IKZF2: variants seen among roughly 807,000 people sequenced by gnomAD.
IKZF2 encodes the protein IKAROS family zinc finger 2, also known as zinc finger protein Helios.
Under a neutral mutation model 49.2 loss-of-function variants are expected in IKZF2, and 15 were observed. That is an observed-to-expected ratio of 0.30 (90% CI 0.20 to 0.47). The LOEUF (loss-of-function observed/expected upper bound fraction) is 0.47, where lower values mean the gene tolerates loss of function less well. Ranked by LOEUF, IKZF2 falls within the 20% of genes least tolerant of loss-of-function variation. The pLI, the probability that IKZF2 is intolerant of heterozygous loss-of-function variation, is 1.00. For synonymous variants in IKZF2, 227 were observed against 221.4 expected, an observed-to-expected ratio of 1.03 and a Z score of -0.23; for missense variants, 567 against 664.6, an observed-to-expected ratio of 0.85 and a Z score of 1.61.
chr2:213,144,614 C>G (rs2060981228), intron 4 of IKZF2, among the ~76,000 whole-genome samples: 1 of 151,854 alleles, frequency 6.6e-6, no homozygotes, highest in Non-Finnish European at 1.5e-5. Flanking sequence ...GTCCCAGATT[C>G]TATTTTTAAA....
chr2:213,013,406 T>TA (rs5838363), intron 8 of IKZF2, among the ~76,000 whole-genome samples: 116,243 of 149,094 alleles, frequency 0.78, 46,145 homozygotes, highest in Middle Eastern at 0.87. Context: ...GTTAATAGGT[T>TA]AAAAAAAAAA....
chr2:213,041,074 C>T (rs549092522), intron 6 of IKZF2, among the ~76,000 whole-genome samples: 20 of 151,822 alleles, frequency 1.3e-4, no homozygotes, highest in African/African-American at 3.6e-4. Context: ...GCCGAGATCA[C>T]GCCACTGCAC....
At chr2:213,059,357 T>C (rs1295813235) in intron 4 of IKZF2, among the ~76,000 whole-genome samples, 1 of 151,724 alleles carries the variant, frequency 6.6e-6, no homozygotes, top group Non-Finnish European at 1.5e-5. Context: ...CATGTTGAAT[T>C]TTTAAAGTCT....
chr2:213,022,875 G>A (rs538969480), intron 6 of IKZF2, among the ~76,000 whole-genome samples: 1 of 152,098 alleles, frequency 6.6e-6, no homozygotes, highest in East Asian at 1.9e-4. Flanking sequence ...CTAATAGCTA[G>A]GGAGCCATTA....
In IKZF2 at chr2:213,094,508, C is replaced by G. The variant is rs140554761; in HGVS notation, c.140-37409G>C. ...AGGGTACCATCTTTCCTGGAAGAAT[C>G]TGAGACCCCCCTAGCCTGGGAGAGA... On this transcript the variant is annotated intron_variant, in intron 4 of 8. Coordinates refer to ENST00000434687, the MANE Select transcript of IKZF2 (RefSeq NM_001387220.1). 5.3e-3 allele frequency among the ~76,000 whole-genome samples: 810 copies of G among 152,158 alleles called. 7 individuals are homozygous for G. Among genetic ancestry groups the G allele is most frequent in the Middle Eastern group, 0.017 (5 of 294 alleles).
At position 213,003,030 on chromosome 2, in the gene IKZF2, T is replaced by G. The variant is rs1695036427; in HGVS notation, c.*4330A>C. The G allele has an allele frequency of 1.3e-5, 2 of 152,032 alleles. No homozygotes were observed. The highest frequency in any genetic ancestry group is 1.3e-4 in the Admixed American group (2 of 15,182). The allele number at this position is 152,032 out of a possible 1,614,324, so 9.4% of individuals were successfully genotyped here. A position where few individuals can be genotyped will look rare whatever the true frequency, so the allele number is the denominator to read the frequency against. ...CTAGTTTCAAAGTTTCCTTTTCCTT[T>G]TAACAGCTGAGCTGAAAATTTCTCT... On this transcript the variant is annotated 3_prime_UTR_variant, in exon 9 of 9. Coordinates refer to ENST00000434687, the MANE Select transcript of IKZF2 (RefSeq NM_001387220.1).
At position 213,111,963 on chromosome 2, in the gene IKZF2, G is replaced by C. The variant is rs534294057; in HGVS notation, c.139+35745C>G. Reference sequence around the variant, plus strand: ...ATTGTAATTTATTTTTTTAGAAACTGCCTCTTCTTTTTGGACTATTATTAC... The same window carrying C: ...ATTGTAATTTATTTTTTTAGAAACTCCCTCTTCTTTTTGGACTATTATTAC... On this transcript the variant is annotated intron_variant, in intron 4 of 8. Coordinates refer to ENST00000434687, the MANE Select transcript of IKZF2 (RefSeq NM_001387220.1). 2.6e-5 allele frequency among the ~76,000 whole-genome samples: 4 copies of C among 152,170 alleles called. No homozygotes were observed. In the South Asian group the frequency reaches 8.3e-4, roughly 32 times the overall value.
intron 6 of IKZF2, among the ~76,000 whole-genome samples, chr2:213,023,075 C>A (rs1366148207): frequency 6.6e-6 from 1 of 152,136 alleles, no homozygotes; most frequent in Non-Finnish European, 1.5e-5. Flanking sequence ...CATAAAACCC[C>A]AGGTGGTCTG....
At chr2:213,056,346 C>G (rs189724989) in intron 5 of IKZF2, among the ~76,000 whole-genome samples, 53 of 152,212 alleles carry the variant, frequency 3.5e-4, no homozygotes, top group Non-Finnish European at 4.6e-4. Context: ...AAGCACCTGC[C>G]TGCTACTGAG....
intron 8 of IKZF2, among the ~76,000 whole-genome samples, chr2:213,011,987 G>C (rs1490526335): frequency 6.6e-6 from 1 of 152,078 alleles, no homozygotes; most frequent in Non-Finnish European, 1.5e-5. Flanking sequence ...AATAAGAAAA[G>C]AGAGGGAGAG....
intron 4 of IKZF2, among the ~76,000 whole-genome samples, chr2:213,123,310 A>C (rs1222375282): frequency 2.0e-5 from 3 of 152,228 alleles, no homozygotes; most frequent in Admixed American, 6.5e-5. Flanking sequence ...CCTACTTTTA[A>C]GCCTCAAAGC....
intron 6 of IKZF2, among the ~76,000 whole-genome samples, chr2:213,028,260 T>TA (rs1390194037): frequency 6.6e-6 from 1 of 152,148 alleles, no homozygotes; most frequent in African/African-American, 2.4e-5. Context: ...TGTCTATACT[T>TA]AAACCAACAG....
chr2:213,083,070 A>C (rs1704124448), intron 4 of IKZF2, among the ~76,000 whole-genome samples: 1 of 152,304 alleles, frequency 6.6e-6, no homozygotes, highest in African/African-American at 2.4e-5. Flanking sequence ...CTTCAGTTAA[A>C]ATGAGCCATA....
At position 213,128,160 on chromosome 2, in the gene IKZF2, T is replaced by C. The variant is rs2060331215; in HGVS notation, c.139+19548A>G. ...ACAAATGTATTTCCTAGAATGCAAG[T>C]GGTAACTTTAGAATGGGGTTGGTAT... On this transcript the variant is annotated intron_variant, in intron 4 of 8. Coordinates refer to ENST00000434687, the MANE Select transcript of IKZF2 (RefSeq NM_001387220.1). Among the ~76,000 whole-genome samples, 4 of 152,300 alleles carry C rather than the reference T, an allele frequency of 2.6e-5. 1 individual carries two copies. In the South Asian group the frequency reaches 6.2e-4, roughly 24 times the overall value.
intron 4 of IKZF2, among the ~76,000 whole-genome samples, chr2:213,086,631 G>A (rs1051357239): frequency 6.6e-6 from 1 of 152,054 alleles, no homozygotes; most frequent in Non-Finnish European, 1.5e-5. Context: ...CCTCAGCAAC[G>A]ACTACAGGGA....
At chr2:213,146,621 G>C (rs1391480575) in intron 4 of IKZF2, among the ~76,000 whole-genome samples, 1 of 151,738 alleles carries the variant, frequency 6.6e-6, no homozygotes, top group Non-Finnish European at 1.5e-5. Flanking sequence ...TACTAAGCTT[G>C]CAGTTTTATA....
chr2:213,059,938 T>C (rs1701522873), intron 4 of IKZF2, among the ~76,000 whole-genome samples: 1 of 151,384 alleles, frequency 6.6e-6, no homozygotes, highest in Non-Finnish European at 1.5e-5. Flanking sequence ...TCTCTAACAA[T>C]ACTATAAAGA....
intron 4 of IKZF2, among the ~76,000 whole-genome samples, chr2:213,114,002 C>T (rs899024903): frequency 1.3e-5 from 2 of 152,098 alleles, no homozygotes; most frequent in East Asian, 3.8e-4. Flanking sequence ...TAATCAGTTA[C>T]GTCTAATACA....
intron 4 of IKZF2, among the ~76,000 whole-genome samples, chr2:213,079,746 CTA>C (rs907509541): frequency 9.2e-5 from 14 of 152,158 alleles, no homozygotes; most frequent in African/African-American, 3.1e-4. Context: ...TTTACTTTCT[CTA>C]TGTTTTCCTA....
Sources: allele counts gnomAD v4.1 joint callset (sites outside exome capture counted in the v4.1 genomes callset), GRCh38; gene constraint gnomAD v4.1.1; transcripts MANE v1.5; gene names NCBI Gene and HGNC (gene_info 2026-07-23, HGNC 2026-07-21).